DMD: variants seen among roughly 807,000 people sequenced by gnomAD.
DMD encodes dystrophin, also known as mutant dystrophin.
A neutral mutation model predicts 330.1 loss-of-function variants in DMD; 63 were observed. That is an observed-to-expected ratio of 0.19 (90% CI 0.16 to 0.24). DMD has a LOEUF of 0.24. DMD is among the 10% of genes least tolerant of loss of function. The pLI is 1.00. For synonymous variants in DMD, 1,223 were observed against 959.8 expected, an observed-to-expected ratio of 1.27 and a Z score of -5.07; for missense variants, 3,344 against 2,684.1, an observed-to-expected ratio of 1.25 and a Z score of -5.43.
intron 55 of DMD, among the ~76,000 whole-genome samples, chrX:31,519,049 C>A (rs2072511532): frequency 9.0e-6 from 1 of 111,629 alleles, no homozygotes; most frequent in Admixed American, 9.5e-5. Flanking sequence ...AATAATTTTC[C>A]AATTAGGTAT....
chrX:32,340,924 C>G (rs981761029), intron 41 of DMD, among the ~76,000 whole-genome samples: 1 of 111,521 alleles, frequency 9.0e-6, no homozygotes, highest in Non-Finnish European at 1.9e-5. Flanking sequence ...AATTCACCTG[C>G]TATTAAACTT....
At chrX:33,194,915 A>G (rs147682710) in intron 1 of DMD, among the ~76,000 whole-genome samples, 1,207 of 111,876 alleles carry the variant, frequency 0.011, 16 homozygotes, top group African/African-American at 0.037. Flanking sequence ...ACAAACATTT[A>G]AGTGCAAAAA....
At chrX:31,708,139 G>C (rs1324001301) in intron 52 of DMD, among the ~76,000 whole-genome samples, 2 of 111,376 alleles carry the variant, frequency 1.8e-5, no homozygotes, top group Non-Finnish European at 3.8e-5. Context: ...ATATTAAGTA[G>C]GTATATTTGC....
chrX:31,731,727 A>G (rs1249195564), intron 51 of DMD, among the ~76,000 whole-genome samples: 1 of 111,655 alleles, frequency 9.0e-6, no homozygotes, highest in African/African-American at 3.2e-5. Flanking sequence ...TATATAACAA[A>G]GATTATCTTT....
chrX:31,194,301 G>C (rs2042674417), intron 67 of DMD, among the ~76,000 whole-genome samples: 1 of 112,360 alleles, frequency 8.9e-6, no homozygotes, highest in Non-Finnish European at 1.9e-5. Context: ...GAAAACAGTG[G>C]CTATAAGGAA....
chrX:31,710,925 A>G (rs1326550787), intron 52 of DMD, among the ~76,000 whole-genome samples: 1 of 111,235 alleles, frequency 9.0e-6, no homozygotes, highest in East Asian at 2.8e-4. Flanking sequence ...ACCTGAAGAA[A>G]GAGTATATTA....
chrX:32,870,934 T>G (rs2082903554), intron 2 of DMD, among the ~76,000 whole-genome samples: 1 of 47,550 alleles, frequency 2.1e-5, no homozygotes, highest in Non-Finnish European at 3.8e-5. Flanking sequence ...ACAACTGAGA[T>G]AGAACTAAAA....
intron 54 of DMD, 63 bp downstream of exon 54, chrX:31,657,927 C>T: frequency 2.7e-6 from 3 of 1,110,955 alleles, no homozygotes; most frequent in Admixed American, 2.2e-5. Flanking sequence ...CCTCATGGTC[C>T]ATCCAGTTTC....
chrX:31,483,543 G>A (rs142328817), intron 57 of DMD, among the ~76,000 whole-genome samples: 1,932 of 112,188 alleles, frequency 0.017, 46 homozygotes, highest in African/African-American at 0.059. Context: ...CACCACAGCT[G>A]CACAGTTCAT....
intron 8 of DMD, among the ~76,000 whole-genome samples, chrX:32,698,362 T>G (rs185342871): frequency 4.5e-4 from 50 of 111,404 alleles, no homozygotes; most frequent in Non-Finnish European, 8.9e-4. Context: ...ATTCATCAGG[T>G]CCATACCCTG....
chrX:31,615,338 G>A (rs770198568), intron 55 of DMD, among the ~76,000 whole-genome samples: 1 of 111,608 alleles, frequency 9.0e-6, no homozygotes, highest in African/African-American at 3.2e-5. Context: ...CCCATGGTAT[G>A]CATTTAAAAC....
intron 57 of DMD, among the ~76,000 whole-genome samples, chrX:31,481,020 A>C (rs1207696353): frequency 8.9e-6 from 1 of 112,418 alleles, no homozygotes; most frequent in African/African-American, 3.2e-5. Context: ...CAAGAAGAGG[A>C]AAATGCAAGT....
chrX:32,386,778 G>A lies in DMD; in HGVS notation c.4519-313C>T, dbSNP rs752924760. On this transcript the variant is annotated intron_variant, in intron 32 of 78. Transcript: ENST00000357033. ...ATCAAAGAACATAAATGTCAATTCT[G>A]AATTTTACATGACTTCTATTTTAAA... is the stretch of plus-strand genomic sequence containing the variant. Among the ~76,000 whole-genome samples, 390 of 109,916 alleles carry A rather than the reference G, an allele frequency of 3.5e-3. 1 individual carries two copies. The highest frequency in any genetic ancestry group is 6.2e-3 in the Non-Finnish European group (326 of 52,257).
At chrX:32,576,639 GT>G (rs1204358664) in intron 13 of DMD, among the ~76,000 whole-genome samples, 7 of 41,039 alleles carry the variant, frequency 1.7e-4, no homozygotes, top group Non-Finnish European at 5.8e-4. Flanking sequence ...TTTATGAATT[GT>G]TTATTTCTGG....
chrX:32,904,476 A>C (rs768495286), intron 2 of DMD, among the ~76,000 whole-genome samples: 1 of 112,347 alleles, frequency 8.9e-6, no homozygotes, highest in East Asian at 2.8e-4. Flanking sequence ...TGGAAAATTC[A>C]AGAAGGTTTT....
chrX:32,967,770 A>T (rs1459244804), intron 2 of DMD, among the ~76,000 whole-genome samples: 1 of 111,809 alleles, frequency 8.9e-6, no homozygotes, highest in Non-Finnish European at 1.9e-5. Flanking sequence ...TCCTTTAGAA[A>T]CAAGATTGAA....
At chrX:32,472,400 A>G in intron 21 of DMD, 91 bp from the exon 22 acceptor site, 2 of 879,713 alleles carry the variant, frequency 2.3e-6, no homozygotes, top group Non-Finnish European at 3.2e-6. Flanking sequence ...CAATTATATT[A>G]CTAGTTTCAA....
chrX:32,008,805 T>G (rs1044650870), intron 44 of DMD, among the ~76,000 whole-genome samples: 1 of 111,235 alleles, frequency 9.0e-6, no homozygotes, highest in African/African-American at 3.3e-5. Context: ...GGAGTCTACA[T>G]AGAGGAAGAG....
chrX:31,284,850 A>C (rs868482762), intron 62 of DMD, among the ~76,000 whole-genome samples: 1 of 106,306 alleles, frequency 9.4e-6, no homozygotes, highest in African/African-American at 3.6e-5. Flanking sequence ...ACACACACAC[A>C]CACACACACA....
Sources: gnomAD v4.1 joint callset for allele counts (sites outside exome capture counted in the v4.1 genomes callset) on GRCh38, gnomAD v4.1.1 for gene constraint, MANE v1.5 for transcripts, NCBI Gene and HGNC (gene_info 2026-07-23, HGNC 2026-07-21) for gene names.